The following PCDHA10 variants were observed in gnomAD, a reference collection of about 807,000 sequenced individuals.
The protein encoded by PCDHA10 is protocadherin alpha 10.
PCDHA10 carries 45 observed loss-of-function variants against 61.2 expected under a neutral mutation model. The ratio of observed to expected loss-of-function variants is 0.74; its 90% CI spans 0.58 to 0.94. PCDHA10 has a LOEUF of 0.94. Ranked by LOEUF, PCDHA10 falls within the 40% of genes least tolerant of loss-of-function variation. The pLI is 0.00. For missense variants in PCDHA10, 1,278 were observed against 1,236.2 expected, an observed-to-expected ratio of 1.03 and a Z score of -0.51; for synonymous variants, 602 against 548.8, an observed-to-expected ratio of 1.10 and a Z score of -1.35.
chr5:140,931,175 G>A (rs1321525314), intron 1 of PCDHA10, among the ~76,000 whole-genome samples: 2 of 152,138 alleles, frequency 1.3e-5, no homozygotes, highest in Non-Finnish European at 2.9e-5. Flanking sequence ...TAATTTTAGG[G>A]AAGGAAATTG....
At chr5:141,005,500 G>A (rs954556024) in intron 3 of PCDHA10, among the ~76,000 whole-genome samples, 2 of 151,574 alleles carry the variant, frequency 1.3e-5, no homozygotes, top group East Asian at 1.9e-4. Flanking sequence ...TCAGGAGATC[G>A]AGACCATCCT....
intron 1 of PCDHA10, 65 bp downstream of exon 1, chr5:140,858,501 T>C: frequency 6.8e-7 from 1 of 1,464,942 alleles, no homozygotes; most frequent in Non-Finnish European, 9.4e-7. Context: ...TACCGCATTT[T>C]CTCAAATATG....
intron 1 of PCDHA10, among the ~76,000 whole-genome samples, chr5:140,970,168 G>T (rs1050888983): frequency 6.6e-6 from 1 of 152,168 alleles, no homozygotes; most frequent in Non-Finnish European, 1.5e-5. Context: ...ACCTTTCTTG[G>T]CATACTCTGA....
intron 3 of PCDHA10, among the ~76,000 whole-genome samples, chr5:141,003,429 A>G (rs782300910): frequency 6.6e-5 from 10 of 152,138 alleles, no homozygotes; most frequent in Non-Finnish European, 1.3e-4. Flanking sequence ...CTTATGCCTC[A>G]GCCTCCCAAG....
intron 1 of PCDHA10, chr5:140,870,876 G>T: frequency 1.2e-6 from 2 of 1,613,958 alleles, no homozygotes; most frequent in Non-Finnish European, 1.7e-6. Flanking sequence ...ACGTGGTGGC[G>T]AAGGTGCGCG....
intron 3 of PCDHA10, among the ~76,000 whole-genome samples, chr5:140,993,092 G>A (rs1441562927): frequency 6.6e-6 from 1 of 152,222 alleles, no homozygotes; most frequent in East Asian, 1.9e-4. Flanking sequence ...GCAGGGCTAT[G>A]TTTATTCAGC....
At chr5:140,968,862 G>C (rs375652776) in intron 1 of PCDHA10, 3 of 1,614,126 alleles carry the variant, frequency 1.9e-6, no homozygotes, top group Middle Eastern at 1.7e-4. Context: ...AAGAGCCCTC[G>C]GACATACTCT....
intron 1 of PCDHA10, among the ~76,000 whole-genome samples, chr5:140,913,961 A>T (rs909283613): frequency 2.0e-5 from 3 of 149,744 alleles, no homozygotes; most frequent in South Asian, 2.1e-4. Context: ...TATCATTTTT[A>T]AAAAAATATT....
At chr5:140,882,065 A>C in intron 1 of PCDHA10, 1 of 831,114 alleles carries the variant, frequency 1.2e-6, no homozygotes, top group Non-Finnish European at 1.8e-6. Flanking sequence ...TTACACGTTC[A>C]TGCGCATGGT....
chr5:140,870,780 C>T (rs782242319), intron 1 of PCDHA10: 3 of 1,613,508 alleles, frequency 1.9e-6, no homozygotes, highest in Non-Finnish European at 2.5e-6. Context: ...ACGAGAACGA[C>T]AACGCGCCGG....
intron 2 of PCDHA10, among the ~76,000 whole-genome samples, chr5:140,979,425 A>G (rs1009935948): frequency 2.0e-5 from 3 of 151,814 alleles, no homozygotes; most frequent in African/African-American, 7.3e-5. Context: ...TTTTAATCTC[A>G]CATTGGCTAT....
rs781920774 is a variant in PCDHA10 at position 140,882,850 on chromosome 5, T to A, written c.2388+24414T>A. 4 of 1,614,090 alleles carry A rather than the reference T, an allele frequency of 2.5e-6. No homozygotes were observed. In the African/African-American group the frequency reaches 5.3e-5, roughly 22 times the overall value. ...TTGAGCAAATGTCTTCATTATCACT[T>A]GTACTGAGGAAAACACTGGACAGAG... On this transcript the variant is annotated intron_variant, in intron 1 of 3. Coordinates refer to ENST00000307360, the MANE Select transcript of PCDHA10 (RefSeq NM_018901.4).
intron 1 of PCDHA10, chr5:140,884,448 CCACCGAGGGCGCGTGCGCGCCGGG>C (rs1244657512): frequency 1.9e-6 from 3 of 1,613,716 alleles, no homozygotes; most frequent in Non-Finnish European, 2.5e-6. Context: ...TCGGCACCGC[CCACCGAGGGCGCGTGCGCGCCGGG>C]CAAGCCCACT....
chr5:140,921,777 C>T (rs1434211783), intron 1 of PCDHA10, among the ~76,000 whole-genome samples: 1 of 152,030 alleles, frequency 6.6e-6, no homozygotes, highest in African/African-American at 2.4e-5. Context: ...TCAATACTGA[C>T]TTGGATGTTC....
chr5:140,923,012 G>A (rs2081117924), intron 1 of PCDHA10, among the ~76,000 whole-genome samples: 1 of 152,206 alleles, frequency 6.6e-6, no homozygotes, highest in Non-Finnish European at 1.5e-5. Flanking sequence ...TTGTTGGACT[G>A]CAGTTTCGGA....
chr5:140,910,514 T>C (rs1246361505), intron 1 of PCDHA10, among the ~76,000 whole-genome samples: 1 of 152,218 alleles, frequency 6.6e-6, no homozygotes, highest in African/African-American at 2.4e-5. Flanking sequence ...TCTTCAAGGA[T>C]GCAGGTACTC....
At chr5:140,998,687 C>T (rs922040842) in intron 3 of PCDHA10, among the ~76,000 whole-genome samples, 9 of 152,042 alleles carry the variant, frequency 5.9e-5, no homozygotes, top group Non-Finnish European at 1.5e-5. Flanking sequence ...GCCTCAGCCT[C>T]CCAAGTAGCT....
At chr5:140,946,506 A>G (rs1231345135) in intron 1 of PCDHA10, among the ~76,000 whole-genome samples, 1 of 151,616 alleles carries the variant, frequency 6.6e-6, no homozygotes, top group Non-Finnish European at 1.5e-5. Context: ...CAGTATGTCA[A>G]AGACCTATCC....
Position 141,001,288 on chromosome 5 carries a change from C to T in PCDHA10, c.2537-8339C>T, listed in dbSNP as rs147786395. 2.9e-3 allele frequency among the ~76,000 whole-genome samples: 438 copies of T among 152,218 alleles called. 7 individuals are homozygous for T. The East Asian group carries it at 0.044, about 15-fold the overall frequency. ...TATGAACTTTTTTTACGGATGAAAACTGAGGCCCAGAGATATGAAATAATT... is the reference window on the plus strand; with the variant it reads ...TATGAACTTTTTTTACGGATGAAAATTGAGGCCCAGAGATATGAAATAATT... On this transcript the variant is annotated intron_variant, in intron 3 of 3. Transcript: ENST00000307360.
Sources: gnomAD v4.1 joint callset for allele counts (sites outside exome capture counted in the v4.1 genomes callset) on GRCh38, gnomAD v4.1.1 for gene constraint, MANE v1.5 for transcripts, NCBI Gene and HGNC (gene_info 2026-07-23, HGNC 2026-07-21) for gene names.